HECW1: variants seen among roughly 807,000 people sequenced by gnomAD.
HECW1 encodes the protein HECT, C2 and WW domain containing E3 ubiquitin protein ligase 1, also known as E3 ubiquitin-protein ligase HECW1.
In HECW1, 61 loss-of-function variants were observed where a neutral mutation model predicts 182.3. The observed-to-expected ratio is 0.33, with a 90% confidence interval of 0.27 to 0.41. HECW1 has a LOEUF of 0.41. Among genes scored for constraint, HECW1 ranks in the 10% least tolerant of loss-of-function variants. The pLI, the probability that HECW1 is intolerant of heterozygous loss-of-function variation, is 1.00. For synonymous variants in HECW1, 859 were observed against 832.6 expected, an observed-to-expected ratio of 1.03 and a Z score of -0.55; for missense variants, 1,739 against 2,108.9, an observed-to-expected ratio of 0.82 and a Z score of 3.44.
At chr7:43,473,900 A>G (rs1426949584) in intron 16 of HECW1, among the ~76,000 whole-genome samples, 1 of 152,208 alleles carries the variant, frequency 6.6e-6, no homozygotes, top group East Asian at 1.9e-4. Context: ...GTAAGATAAC[A>G]AGTAAGTAAG....
intron 5 of HECW1, among the ~76,000 whole-genome samples, chr7:43,359,380 C>T (rs1444441974): frequency 2.0e-5 from 3 of 152,028 alleles, no homozygotes; most frequent in Non-Finnish European, 4.4e-5. Flanking sequence ...AGGTATCTAG[C>T]GATTTTTGCT....
At chr7:43,452,684 A>G (rs1298920620) in intron 12 of HECW1, among the ~76,000 whole-genome samples, 2 of 152,240 alleles carry the variant, frequency 1.3e-5, no homozygotes, top group Non-Finnish European at 2.9e-5. Context: ...AAAATAATTA[A>G]ACAGGGACTG....
chr7:43,504,319 T>G (rs1243271452), intron 21 of HECW1, among the ~76,000 whole-genome samples: 1 of 152,166 alleles, frequency 6.6e-6, no homozygotes, highest in Non-Finnish European at 1.5e-5. Context: ...AATCGCTAAT[T>G]CAAACCTCCT....
intron 24 of HECW1, among the ~76,000 whole-genome samples, chr7:43,532,799 G>C (rs1291432215): frequency 6.6e-6 from 1 of 152,142 alleles, no homozygotes; most frequent in East Asian, 1.9e-4. Flanking sequence ...ATTATTGGTG[G>C]GAGTTTAAGA....
intron 26 of HECW1, 91 bp downstream of exon 26, chr7:43,542,089 G>C: frequency 8.5e-7 from 1 of 1,179,824 alleles, no homozygotes; most frequent in Non-Finnish European, 1.1e-6. Flanking sequence ...TCATTTTTAA[G>C]TGTAGACTTC....
At chr7:43,427,793 A>G (rs1488058648) in intron 8 of HECW1, among the ~76,000 whole-genome samples, 1 of 152,186 alleles carries the variant, frequency 6.6e-6, no homozygotes, top group East Asian at 1.9e-4. Context: ...GTTATTGGCC[A>G]GAGCAGTCCA....
chr7:43,518,070 G>A (rs10258192), intron 24 of HECW1, among the ~76,000 whole-genome samples: 7,721 of 152,192 alleles, frequency 0.051, 316 homozygotes, highest in East Asian at 0.19. Context: ...AATTTCTTCA[G>A]GAAAATCTAG....
intron 3 of HECW1, among the ~76,000 whole-genome samples, chr7:43,280,970 T>A (rs150878664): frequency 6.6e-6 from 1 of 151,914 alleles, no homozygotes; most frequent in East Asian, 1.9e-4. Flanking sequence ...AGTATTCTCT[T>A]TTCCCGTTTT....
At chr7:43,228,877 C>A (rs938170631) in intron 2 of HECW1, among the ~76,000 whole-genome samples, 1 of 152,090 alleles carries the variant, frequency 6.6e-6, no homozygotes, top group Non-Finnish European at 1.5e-5. Context: ...ATTGCGTATA[C>A]AATATGTCTT....
intron 24 of HECW1, among the ~76,000 whole-genome samples, chr7:43,524,383 A>G (rs2080673008): frequency 6.6e-6 from 1 of 152,252 alleles, no homozygotes; most frequent in Admixed American, 6.5e-5. Flanking sequence ...AACACTGAGT[A>G]AAGCATGGAA....
At chr7:43,533,544 C>T (rs1035833274) in intron 24 of HECW1, among the ~76,000 whole-genome samples, 2 of 152,144 alleles carry the variant, frequency 1.3e-5, no homozygotes, top group Admixed American at 6.5e-5. Context: ...ACTGACCCAA[C>T]AAAATGTGTG....
At chr7:43,152,357 T>C (rs1344014673) in intron 2 of HECW1, among the ~76,000 whole-genome samples, 1 of 152,306 alleles carries the variant, frequency 6.6e-6, no homozygotes, top group South Asian at 2.1e-4. Flanking sequence ...CTATGTATTT[T>C]GGGAATACAA....
At chr7:43,419,776 C>A (rs981778772) in intron 8 of HECW1, among the ~76,000 whole-genome samples, 1 of 152,202 alleles carries the variant, frequency 6.6e-6, no homozygotes, top group Non-Finnish European at 1.5e-5. Context: ...TTAATTTCCC[C>A]AGCAAGGCTG....
Position 43,542,015 on chromosome 7 carries a change from G to C in HECW1, c.4248+17G>C, listed in dbSNP as rs957662699. 1.4e-6 allele frequency: 2 copies of C among 1,473,422 alleles called. No individual in the cohort carries two copies. The highest frequency in any genetic ancestry group is 1.8e-6 in the Non-Finnish European group (2 of 1,113,242). 91.3% of individuals were successfully genotyped at this position (1,473,422 alleles called of 1,614,324 possible). ...TTTGGACAGGTTTGTGTGACATGGG[G>C]TTTGGAAAAGGGATTTTGTTTTTTA... On this transcript the variant is annotated intron_variant, in intron 26 of 29. Transcript: ENST00000395891.
At chr7:43,404,901 G>A (rs375430499) in intron 7 of HECW1, among the ~76,000 whole-genome samples, 7 of 152,088 alleles carry the variant, frequency 4.6e-5, no homozygotes, top group African/African-American at 1.4e-4. Context: ...GCTTGAACCC[G>A]GGAGGCGGAG....
chr7:43,506,555 T>G (rs1386302111), intron 21 of HECW1, among the ~76,000 whole-genome samples: 1 of 152,216 alleles, frequency 6.6e-6, no homozygotes, highest in Non-Finnish European at 1.5e-5. Flanking sequence ...AATGAAGGGC[T>G]TGTGGGAGAA....
chr7:43,410,417 G>A (rs1184782911), intron 8 of HECW1, among the ~76,000 whole-genome samples: 5 of 152,048 alleles, frequency 3.3e-5, no homozygotes, highest in African/African-American at 7.2e-5. Context: ...TCCTCTAAAC[G>A]TAATGACCTC....
chr7:43,485,548 C>G (rs952211439), intron 17 of HECW1, among the ~76,000 whole-genome samples: 14 of 152,174 alleles, frequency 9.2e-5, no homozygotes, highest in African/African-American at 3.4e-4. Flanking sequence ...CTACCACACA[C>G]CTAGGCTGTA....
At chr7:43,520,329 T>C (rs555985328) in intron 24 of HECW1, among the ~76,000 whole-genome samples, 10 of 152,288 alleles carry the variant, frequency 6.6e-5, no homozygotes, top group African/African-American at 2.4e-4. Flanking sequence ...GTCTACGAAA[T>C]GGAGTCTGGA....
Sources: gnomAD v4.1 joint callset for allele counts (sites outside exome capture counted in the v4.1 genomes callset) on GRCh38, gnomAD v4.1.1 for gene constraint, MANE v1.5 for transcripts, NCBI Gene and HGNC (gene_info 2026-07-23, HGNC 2026-07-21) for gene names.